NAALADL2: variants seen among roughly 807,000 people sequenced by gnomAD.
NAALADL2 encodes the protein inactive N-acetylated-alpha-linked acidic dipeptidase-like protein 2.
In NAALADL2, 76 loss-of-function variants were observed where a neutral mutation model predicts 87.2. The observed-to-expected ratio is 0.87, with a 90% CI of 0.72 to 1.05. The LOEUF (loss-of-function observed/expected upper bound fraction) is 1.05. NAALADL2 is among the 50% of genes least tolerant of loss of function. The pLI, the probability that NAALADL2 is intolerant of heterozygous loss-of-function variation, is 0.00. For synonymous variants in NAALADL2, 354 were observed against 331.0 expected (o/e 1.07, Z -0.75); for missense variants, 1,089 against 945.8 (o/e 1.15, Z -1.99).
intron 2 of NAALADL2, among the ~76,000 whole-genome samples, chr3:174,582,207 CG>C: frequency 6.6e-6 from 1 of 152,170 alleles, no homozygotes; most frequent in African/African-American, 2.4e-5. Context: ...TGAAGGTTTT[CG>C]TGGAATACTG....
intron 2 of NAALADL2, among the ~76,000 whole-genome samples, chr3:175,136,802 G>T (rs1002168943): frequency 6.6e-6 from 1 of 151,964 alleles, no homozygotes; most frequent in Admixed American, 6.6e-5. Context: ...CATCTTTGAC[G>T]GTTAAGAGGT....
At chr3:175,632,306 C>G (rs1237934447) in intron 11 of NAALADL2, among the ~76,000 whole-genome samples, 1 of 142,424 alleles carries the variant, frequency 7.0e-6, no homozygotes, top group Non-Finnish European at 1.5e-5. Flanking sequence ...CTCTCTCTCT[C>G]TCTCCTACTC....
chr3:175,743,430 C>T (rs1583081697), intron 12 of NAALADL2, among the ~76,000 whole-genome samples: 1 of 152,346 alleles, frequency 6.6e-6, no homozygotes, highest in East Asian at 1.9e-4. Context: ...AACCCCATCA[C>T]AGGCATAGAA....
chr3:175,051,987 G>A (rs956596370), intron 1 of NAALADL2, among the ~76,000 whole-genome samples: 5 of 152,210 alleles, frequency 3.3e-5, no homozygotes, highest in Non-Finnish European at 7.3e-5. Context: ...ATAGAGGTGT[G>A]GAGTGGGAAG....
intron 3 of NAALADL2, among the ~76,000 whole-genome samples, chr3:174,822,178 G>A (rs909266041): frequency 4.0e-5 from 6 of 150,100 alleles, no homozygotes; most frequent in Middle Eastern, 6.8e-3. Flanking sequence ...ACAGGGCGGA[G>A]GGAGAGGGGG....
intron 1 of NAALADL2, among the ~76,000 whole-genome samples, chr3:175,020,256 C>G (rs569566997): frequency 6.6e-6 from 1 of 152,082 alleles, no homozygotes; most frequent in Admixed American, 6.6e-5. Flanking sequence ...AGTTGCTTCT[C>G]AATTATTCAC....
chr3:175,323,570 A>T (rs992910994), intron 4 of NAALADL2, among the ~76,000 whole-genome samples: 6 of 152,050 alleles, frequency 3.9e-5, no homozygotes, highest in African/African-American at 1.4e-4. Flanking sequence ...ACTTAGTTAA[A>T]AATCAGAGAG....
At chr3:174,958,892 A>C (rs975868789) in intron 1 of NAALADL2, among the ~76,000 whole-genome samples, 2 of 152,054 alleles carry the variant, frequency 1.3e-5, no homozygotes, top group Non-Finnish European at 2.9e-5. Context: ...GGTTTGTTTT[A>C]TGAGGCATTT....
chr3:174,623,835 G>A (rs768240304), intron 2 of NAALADL2, among the ~76,000 whole-genome samples: 1 of 151,926 alleles, frequency 6.6e-6, no homozygotes, highest in Non-Finnish European at 1.5e-5. Flanking sequence ...TTTACAGAAG[G>A]TGATACAGAA....
intron 12 of NAALADL2, among the ~76,000 whole-genome samples, chr3:175,753,760 C>G (rs955588472): frequency 1.3e-5 from 2 of 152,120 alleles, no homozygotes; most frequent in African/African-American, 4.8e-5. Flanking sequence ...ACTGGTAACC[C>G]TTGGACTTTA....
chr3:174,794,912 A>C (rs1717898014), intron 3 of NAALADL2, among the ~76,000 whole-genome samples: 1 of 151,758 alleles, frequency 6.6e-6, no homozygotes, highest in Non-Finnish European at 1.5e-5. Flanking sequence ...ATGTACTTGC[A>C]AAAGACAAAT....
intron 3 of NAALADL2, among the ~76,000 whole-genome samples, chr3:174,792,729 A>C (rs1322783392): frequency 6.6e-6 from 1 of 152,190 alleles, no homozygotes. Context: ...CTTGGAAAAA[A>C]TAACAGCTGA....
At chr3:175,351,348 A>G (rs1763747076) in intron 5 of NAALADL2, among the ~76,000 whole-genome samples, 1 of 152,104 alleles carries the variant, frequency 6.6e-6, no homozygotes, top group South Asian at 2.1e-4. Context: ...GTGCATATAT[A>G]TGTGTAATTT....
chr3:175,533,926 T>G (rs1259949169), intron 9 of NAALADL2, among the ~76,000 whole-genome samples: 1 of 152,020 alleles, frequency 6.6e-6, no homozygotes. Flanking sequence ...CCAGCTTCAT[T>G]GTGTTCCTTG....
chr3:175,180,506 G>C (rs1736306226), intron 2 of NAALADL2, among the ~76,000 whole-genome samples: 1 of 151,840 alleles, frequency 6.6e-6, no homozygotes. Flanking sequence ...CTGAAATCAA[G>C]ATAATGAAAT....
chr3:175,152,518 G>C (rs992588807), intron 2 of NAALADL2, among the ~76,000 whole-genome samples: 1 of 152,210 alleles, frequency 6.6e-6, no homozygotes, highest in African/African-American at 2.4e-5. Flanking sequence ...AAGAGAACTG[G>C]CACACCAAAA....
At chr3:175,249,628 A>G (rs1404469039) in intron 3 of NAALADL2, among the ~76,000 whole-genome samples, 1 of 152,064 alleles carries the variant, frequency 6.6e-6, no homozygotes, top group African/African-American at 2.4e-5. Flanking sequence ...GTTGGAAGTT[A>G]TTTTTTATTA....
At chr3:174,610,014 T>C (rs1268667421) in intron 2 of NAALADL2, among the ~76,000 whole-genome samples, 4 of 152,156 alleles carry the variant, frequency 2.6e-5, no homozygotes, top group African/African-American at 9.6e-5. Context: ...ATGCCGTATA[T>C]CTACAACTAT....
At chr3:175,028,759 C>G (rs1286500457) in intron 1 of NAALADL2, among the ~76,000 whole-genome samples, 1 of 151,686 alleles carries the variant, frequency 6.6e-6, no homozygotes, top group African/African-American at 2.4e-5. Context: ...TAATACTATT[C>G]CACCTCTCAA....
Sources: gnomAD v4.1 joint callset for allele counts (sites outside exome capture counted in the v4.1 genomes callset) on GRCh38, gnomAD v4.1.1 for gene constraint, MANE v1.5 for transcripts, NCBI Gene and HGNC (gene_info 2026-07-23, HGNC 2026-07-21) for gene names.